The following MARK4 variants were observed in gnomAD, a reference collection of about 807,000 sequenced individuals.
The protein encoded by MARK4 is MAP/microtubule affinity-regulating kinase 4.
A neutral mutation model predicts 81.5 loss-of-function variants in MARK4; 19 were observed. The ratio of observed to expected loss-of-function variants is 0.23; its 90% CI spans 0.16 to 0.34. The LOEUF (loss-of-function observed/expected upper bound fraction) is 0.34, where lower values mean the gene tolerates loss of function less well. Among genes scored for constraint, MARK4 ranks in the 10% least tolerant of loss-of-function variants. The pLI, the probability that MARK4 is intolerant of heterozygous loss-of-function variation, is 1.00. For synonymous variants in MARK4, 436 were observed against 439.0 expected, an observed-to-expected ratio of 0.99 and a Z score of 0.08; for missense variants, 772 against 1,058.8, an observed-to-expected ratio of 0.73 and a Z score of 3.76.
chr19:45,286,560 A>G (rs1970745490), intron 12 of MARK4, among the ~76,000 whole-genome samples: 1 of 151,698 alleles, frequency 6.6e-6, no homozygotes, highest in Non-Finnish European at 1.5e-5. Context: ...AAAAAATACA[A>G]AAATTAGGTG....
intron 15 of MARK4, 180 bp downstream of exon 15, chr19:45,298,134 A>G: frequency 1.2e-6 from 2 of 1,604,866 alleles, no homozygotes; most frequent in Non-Finnish European, 1.7e-6. Context: ...CTCCCTCCTC[A>G]CACTGCAGGG....
At position 45,280,568 on chromosome 19, in the gene MARK4, C is replaced by T. The variant is rs1970659395; in HGVS notation, c.1117-7C>T. The T allele has an allele frequency of 1.2e-6, 2 of 1,613,854 alleles. No individual in the cohort carries two copies. Among genetic ancestry groups the T allele is most frequent in the East Asian group, 4.5e-5 (2 of 44,860 alleles). On this transcript the variant is annotated splice_polypyrimidine_tract_variant and splice_region_variant and intron_variant, in intron 11 of 16. Coordinates refer to ENST00000262891, the MANE Select transcript of MARK4 (RefSeq NM_001199867.2). The stretch of plus-strand genomic sequence containing the variant: ...GCAGAAGAGCCTCATCTGTCATCCT[C>T]TCGCAGGAGGGTGGGGACCGGGGCG...
intron 8 of MARK4, among the ~76,000 whole-genome samples, chr19:45,275,309 A>G (rs1420304488): frequency 6.6e-6 from 1 of 151,976 alleles, no homozygotes; most frequent in Non-Finnish European, 1.5e-5. Context: ...TTTCAAGACC[A>G]CATCTCTACA....
rs145437896 is a variant in MARK4, at chr19:45,298,203, G to T, written c.1877+249G>T. ...ACCGCTGTGTTTCGGGCGCCTCTCTGCCCCAGGGATCCAAGATCAGTAAGT... is the reference window on the plus strand; with the variant it reads ...ACCGCTGTGTTTCGGGCGCCTCTCTTCCCCAGGGATCCAAGATCAGTAAGT... On this transcript the variant is annotated intron_variant, in intron 15 of 16. Transcript: ENST00000262891. 6 of 1,613,898 alleles carry T rather than the reference G, an allele frequency of 3.7e-6. No homozygotes were observed. In the African/African-American group the frequency reaches 8.0e-5, roughly 22 times the overall value.
At chr19:45,274,248 C>A (rs1021514251) in intron 8 of MARK4, among the ~76,000 whole-genome samples, 1 of 151,854 alleles carries the variant, frequency 6.6e-6, no homozygotes, top group Non-Finnish European at 1.5e-5. Flanking sequence ...GACTCCATCT[C>A]AAAACAAACA....
chr19:45,300,369 A>AAAAAAAAAC (rs1970952937), intron 16 of MARK4, among the ~76,000 whole-genome samples: 1 of 132,908 alleles, frequency 7.5e-6, no homozygotes, highest in Non-Finnish European at 1.6e-5. Context: ...AAAAAAAAAA[A>AAAAAAAAAC]AGCCTCATCC....
Position 45,289,640 on chromosome 19 carries a change from C to T in MARK4, c.1494+1976C>T, listed in dbSNP as rs552670980. On this transcript the variant is annotated intron_variant, in intron 13 of 16. Coordinates refer to ENST00000262891, the MANE Select transcript of MARK4 (RefSeq NM_001199867.2). ...CAAAACTTAGCCAGGCGTGGTGGTG[C>T]ACGCCTGTAATCCCAGCTACTCAGG... 2.3e-4 allele frequency among the ~76,000 whole-genome samples: 34 copies of T among 151,088 alleles called. 1 individual carries two copies. In the South Asian group the frequency reaches 6.9e-3, roughly 31 times the overall value.
intron 1 of MARK4, among the ~76,000 whole-genome samples, chr19:45,257,094 A>G (rs1970316472): frequency 6.6e-6 from 1 of 151,740 alleles, no homozygotes; most frequent in Admixed American, 6.6e-5. Flanking sequence ...AGCTGGGACT[A>G]TAGGCATATG....
At chr19:45,273,710 A>T (rs1427972288) in intron 8 of MARK4, among the ~76,000 whole-genome samples, 1 of 152,180 alleles carries the variant, frequency 6.6e-6, no homozygotes, top group Non-Finnish European at 1.5e-5. Flanking sequence ...CTCGATTGGA[A>T]TCGGGGGTGC....
intron 2 of MARK4, among the ~76,000 whole-genome samples, chr19:45,260,657 A>G (rs1159701272): frequency 3.3e-5 from 5 of 152,214 alleles, no homozygotes; most frequent in Non-Finnish European, 5.9e-5. Flanking sequence ...AGATTGTGCC[A>G]CTGCACTCCA....
intron 8 of MARK4, among the ~76,000 whole-genome samples, chr19:45,277,670 G>A (rs1014473161): frequency 6.6e-6 from 1 of 151,850 alleles, no homozygotes; most frequent in Non-Finnish European, 1.5e-5. Context: ...GCCTGGCCAA[G>A]AATTTTTTTT....
In MARK4 at chr19:45,297,807, G is replaced by C; in HGVS notation, c.1730G>C (p.Arg577Pro). The stretch of plus-strand genomic sequence containing the variant: ...TTCCATGGTGGCCAGGTCCGGGACC[G>C]GCGGGCAGGGGGTGGGGGTGGTGGG... ...STFHGGQVRD[R>P]RAGGGGGGGV... Residue 577 changes from arginine to proline, a missense_variant, in exon 15 of 17, where the codon CGG (arginine) becomes CCG (proline). By Grantham distance (103) the Arg-to-Pro change is moderately radical. Around this residue, in one of 3 missense-constraint regions of MARK4, gnomAD observed 548 missense variants for 624.3 expected, o/e 0.88. Coordinates refer to ENST00000262891, the MANE Select transcript of MARK4 (RefSeq NM_001199867.2). The C allele has an allele frequency of 1.3e-6, 2 of 1,548,004 alleles. No homozygotes were observed. Among genetic ancestry groups the C allele is most frequent in the Non-Finnish European group, 1.7e-6 (2 of 1,146,914 alleles).
rs1289984127 is a variant in MARK4, at chr19:45,297,847, G to A, written c.1770G>A (p.Gly590=). The stretch of plus-strand genomic sequence containing the variant: ...GGGGTGGTGGGGGTGTGCAGAATGG[G>A]CCCCCTGCCTCTCCCACACTGGCCC... The part of the protein sequence containing the change: ...GGGGGGGVQN[G]PPASPTLAHE... The change falls in exon 15 of 17, where the codon GGG becomes GGA. Residue 590 remains glycine, a synonymous_variant. Transcript: ENST00000262891. The A allele has an allele frequency of 1.3e-6, 2 of 1,547,910 alleles. No individual in the cohort carries two copies. Among genetic ancestry groups the A allele is most frequent in the South Asian group, 1.2e-5 (1 of 83,944 alleles).
rs1970757298 is a variant in MARK4 at position 45,287,424 on chromosome 19, C to G, written c.1277-23C>G. 9.2e-6 allele frequency: 13 copies of G among 1,410,764 alleles called. No individual in the cohort carries two copies. In the East Asian group the frequency reaches 3.1e-4, roughly 33 times the overall value. The allele number at this position is 1,410,764 out of a possible 1,614,324, so 87.4% of individuals were successfully genotyped here. On this transcript the variant is annotated intron_variant, in intron 12 of 16. Coordinates refer to ENST00000262891, the MANE Select transcript of MARK4 (RefSeq NM_001199867.2). The stretch of plus-strand genomic sequence containing the variant: ...CTGGGTTTCCGTGGTGATGCCAGCT[C>G]TAAACGGTACCCCCTCCCCCAGGTG...
intron 13 of MARK4, among the ~76,000 whole-genome samples, chr19:45,289,167 A>C (rs1970788551): frequency 6.6e-6 from 1 of 151,902 alleles, no homozygotes; most frequent in Admixed American, 6.6e-5. Context: ...AGGAGGGTGG[A>C]TCATGAGGTC....
In MARK4 at chr19:45,254,628, A is replaced by G. The variant is rs1001372860; in HGVS notation, c.51+2989A>G. On this transcript the variant is annotated intron_variant, in intron 1 of 16. Coordinates refer to ENST00000262891, the MANE Select transcript of MARK4 (RefSeq NM_001199867.2). ...TGTCCCCGTCTGAAGACTGCAGATC[A>G]TAATTGGACCCACATTGGAGGCCAG... Among the ~76,000 whole-genome samples the G allele has an allele frequency of 5.9e-5, 9 of 152,296 alleles. No homozygotes were observed. The East Asian group carries it at 1.7e-3, about 29-fold the overall frequency.
Position 45,287,517 on chromosome 19 carries a change from G to A in MARK4, c.1347G>A (p.Glu449=). 6.4e-7 allele frequency: 1 copy of A among 1,556,760 alleles called. No homozygotes were observed. Among genetic ancestry groups the A allele is most frequent in the Non-Finnish European group, 8.7e-7 (1 of 1,148,508 alleles). Residue 449 remains glutamate (E), a synonymous_variant, in exon 13 of 17, where the codon GAG becomes GAA. Transcript: ENST00000262891. ...PTSTGEAELK[E]ERLPGRKASC... is the part of the protein sequence containing the mutation. ...GCACGGGGGAGGCGGAGCTGAAGGA[G>A]GAGCGGCTGCCAGGCCGGAAGGCGA...
At position 45,287,533 on chromosome 19, in the gene MARK4, C is replaced by A; in HGVS notation, c.1363C>A (p.Arg455=). Residue 455 remains arginine (R), a synonymous_variant, in exon 13 of 17, where the codon CGG becomes AGG. Transcript: ENST00000262891. ...GCTGAAGGAGGAGCGGCTGCCAGGCCGGAAGGCGAGCTGCAGCACCGCGGG... is the reference window on the plus strand; with the variant it reads ...GCTGAAGGAGGAGCGGCTGCCAGGCAGGAAGGCGAGCTGCAGCACCGCGGG... ...AELKEERLPG[R]KASCSTAGSG... The A allele has an allele frequency of 6.4e-7, 1 of 1,572,250 alleles. No individual in the cohort carries two copies. Among genetic ancestry groups the A allele is most frequent in the Non-Finnish European group, 8.6e-7 (1 of 1,156,784 alleles).
Position 45,266,483 on chromosome 19 carries a change from G to A in MARK4, c.549+202G>A, listed in dbSNP as rs116989014. ...AAACAAGGCCAGCAGATGGGGGAGC[G>A]GATGGGGGGGAGGGGACAGGAGGAG... On this transcript the variant is annotated intron_variant, in intron 7 of 16. Coordinates refer to ENST00000262891, the MANE Select transcript of MARK4 (RefSeq NM_001199867.2). 1.1e-4 allele frequency among the ~76,000 whole-genome samples: 16 copies of A among 152,134 alleles called. No individual in the cohort carries two copies. The East Asian group carries it at 3.1e-3, about 29-fold the overall frequency.
Sources: gnomAD v4.1 joint callset for allele counts (sites outside exome capture counted in the v4.1 genomes callset) on GRCh38, gnomAD v4.1.1 for gene constraint, gnomAD v4.1.1 regional missense constraint, MANE v1.5 for transcripts, NCBI Gene and HGNC (gene_info 2026-07-23, HGNC 2026-07-21) for gene names.